Variants in OGFOD1 observed in about 807,000 individuals in gnomAD.
The protein encoded by OGFOD1 is prolyl 3-hydroxylase OGFOD1.
Under a neutral mutation model 67.7 loss-of-function variants are expected in OGFOD1, and 54 were observed. The ratio of observed to expected loss-of-function variants is 0.80; its 90% CI spans 0.64 to 1.00. The LOEUF is 1.00. Among genes scored for constraint, OGFOD1 ranks in the 50% least tolerant of loss-of-function variants. The probability of loss-of-function intolerance (pLI) is 0.00; values close to 1 mark genes in which losing one functional copy is unlikely to be tolerated. For synonymous variants in OGFOD1, 221 were observed against 227.0 expected (o/e 0.97, Z 0.24); for missense variants, 606 against 646.7 (o/e 0.94, Z 0.68).
At chr16:56,457,115 G>A (rs2143975522) in intron 2 of OGFOD1, among the ~76,000 whole-genome samples, 1 of 152,254 alleles carries the variant, frequency 6.6e-6, no homozygotes, top group Non-Finnish European at 1.5e-5. Flanking sequence ...GTAAAAATAT[G>A]TTCACATAAA....
chr16:56,462,509 A>C (rs1210350579), intron 3 of OGFOD1, 25 bp from the exon 4 acceptor site: 1 of 1,472,452 alleles, frequency 6.8e-7, no homozygotes, highest in South Asian at 1.1e-5. Context: ...TGGCATAACA[A>C]GTTATCTTTT....
Position 56,468,427 on chromosome 16 carries a change from A to C in OGFOD1, c.900+409A>C, listed in dbSNP as rs75305177. ...GCTTGTTATAGTGGAAAGAGATTAG[A>C]AATCAGAAGACTGGCCAGGCACAGT... On this transcript the variant is annotated intron_variant, in intron 8 of 12. Coordinates refer to ENST00000566157, the MANE Select transcript of OGFOD1 (RefSeq NM_018233.4). 7.1e-3 allele frequency among the ~76,000 whole-genome samples: 1,078 copies of C among 152,272 alleles called. 13 individuals carry two copies. Among genetic ancestry groups the C allele is most frequent in the African/African-American group, 0.025 (1,021 of 41,562 alleles).
chr16:56,468,269 C>T (rs112110992), intron 8 of OGFOD1, among the ~76,000 whole-genome samples: 13 of 152,318 alleles, frequency 8.5e-5, no homozygotes, highest in African/African-American at 2.6e-4. Context: ...CACACACAAG[C>T]TTCCACCCTG....
In OGFOD1 at chr16:56,462,556, C is replaced by A. The variant is rs548662119; in HGVS notation, c.370C>A (p.Arg124=). Residue 124 remains arginine (R), a synonymous_variant, in exon 4 of 13, where the codon CGG becomes AGG. Transcript: ENST00000566157. ...TAGGAAAATTCTGTTTGAAGATTTC[C>A]GGTCCTGGCTTTCTGATATTTCTAA... ...TLRKILFEDF[R]SWLSDISKID... is the part of the protein sequence containing the mutation. 6.2e-7 allele frequency: 1 copy of A among 1,611,624 alleles called. No homozygotes were observed. The highest frequency in any genetic ancestry group is 8.5e-7 in the Non-Finnish European group (1 of 1,177,870).
At chr16:56,454,744 G>A (rs1291586779) in intron 2 of OGFOD1, 1 of 427,678 alleles carries the variant, frequency 2.3e-6, no homozygotes, top group South Asian at 1.7e-5. Flanking sequence ...AGTAAATAAC[G>A]AATTTCTCTC....
At chr16:56,470,399 G>A in intron 9 of OGFOD1, 88 bp from the exon 10 acceptor site, 1 of 1,194,350 alleles carries the variant, frequency 8.4e-7, no homozygotes, top group South Asian at 1.5e-5. Flanking sequence ...TTTAGGAAGA[G>A]AGGTACAAAG....
intron 10 of OGFOD1, among the ~76,000 whole-genome samples, chr16:56,472,967 T>G (rs1187298931): frequency 6.6e-6 from 1 of 152,204 alleles, no homozygotes; most frequent in Non-Finnish European, 1.5e-5. Flanking sequence ...AGTCTCGCTC[T>G]GTTGCCAGGC....
At chr16:56,467,430 CTT>C (rs375009247) in intron 7 of OGFOD1, 137 bp downstream of exon 7, 10,499 of 723,614 alleles carry the variant, frequency 0.015, no homozygotes, top group East Asian at 0.019. Flanking sequence ...TTTTTTCTTC[CTT>C]TTTTTTTTTT....
At chr16:56,465,697 G>C (rs1389477133) in intron 4 of OGFOD1, 1 of 153,308 alleles carries the variant, frequency 6.5e-6, no homozygotes, top group Non-Finnish European at 1.5e-5. Flanking sequence ...TTAACAAATA[G>C]AAAATCTATT....
intron 3 of OGFOD1, among the ~76,000 whole-genome samples, chr16:56,461,748 G>A (rs1416039240): frequency 6.6e-6 from 1 of 152,178 alleles, no homozygotes; most frequent in African/African-American, 2.4e-5. Context: ...ATTGGTCAGT[G>A]TGGGGGGATA....
Position 56,470,256 on chromosome 16 carries a change from TCA to T in OGFOD1, c.980+178_980+179del, listed in dbSNP as rs1207463724. On this transcript the variant is annotated intron_variant, in intron 9 of 12. Transcript: ENST00000566157. ...AAAATATACAATCATGCACCAAGGC[TCA>T]CACCCAATAATAGGACACTTGCCCT... 1.3e-5 allele frequency: 9 copies of T among 668,370 alleles called. No individual in the cohort carries two copies. The African/African-American group carries it at 1.6e-4, about 12-fold the overall frequency. The allele number at this position is 668,370 out of a possible 1,614,324, so 41.4% of individuals were successfully genotyped here.
Position 56,466,246 on chromosome 16 carries a change from C to A in OGFOD1, c.543C>A (p.Thr181=). Residue 181 remains threonine (T), a synonymous_variant, in exon 5 of 13, where the codon ACC becomes ACA. Transcript: ENST00000566157. ...VPPWDRSMGG[T]LDLYSIDEHF... is the part of the protein sequence containing the mutation. ...CCTGGGACAGGAGCATGGGTGGTACCCTGGACCTGTACAGCATTGATGGTA... is the reference window on the plus strand; with the variant it reads ...CCTGGGACAGGAGCATGGGTGGTACACTGGACCTGTACAGCATTGATGGTA... 1.2e-6 allele frequency: 2 copies of A among 1,612,680 alleles called. No individual in the cohort carries two copies. The highest frequency in any genetic ancestry group is 8.5e-7 in the Non-Finnish European group (1 of 1,178,742).
intron 3 of OGFOD1, among the ~76,000 whole-genome samples, chr16:56,462,070 G>A (rs1467938109): frequency 6.6e-6 from 1 of 150,874 alleles, no homozygotes; most frequent in African/African-American, 2.4e-5. Context: ...CCCAACCTGG[G>A]CAACAGAGCA....
At chr16:56,454,917 C>A in intron 2 of OGFOD1, 1 of 259,886 alleles carries the variant, frequency 3.8e-6, no homozygotes, top group Admixed American at 5.3e-5. Context: ...AAACTGCTTT[C>A]CATGGTAAGG....
chr16:56,467,337 A>C (rs1490840504), intron 7 of OGFOD1, 44 bp downstream of exon 7: 1 of 1,600,330 alleles, frequency 6.2e-7, no homozygotes, highest in Admixed American at 1.7e-5. Context: ...GCTATAGCAT[A>C]TCATTTGTTT....
At chr16:56,475,605 T>G in intron 12 of OGFOD1, 40 bp downstream of exon 12, 1 of 1,576,962 alleles carries the variant, frequency 6.3e-7, no homozygotes, top group Non-Finnish European at 8.7e-7. Context: ...TTTTAGTTAT[T>G]GAGAATGCTT....
chr16:56,463,421 T>G (rs1962792952), intron 4 of OGFOD1, among the ~76,000 whole-genome samples: 1 of 137,030 alleles, frequency 7.3e-6, no homozygotes, highest in Non-Finnish European at 1.5e-5. Context: ...TTTTGGTTTG[T>G]TGGTTCGTTG....
Position 56,456,027 on chromosome 16 carries a change from G to A in OGFOD1, c.301-2521G>A, listed in dbSNP as rs1313520198. ...TTCCTCTCCTGTCAGTCTCTGGTAA[G>A]CCCATTTTAATCAGGCTTTCGCTTG... is the stretch of plus-strand genomic sequence containing the variant. On this transcript the variant is annotated intron_variant, in intron 2 of 12. Coordinates refer to ENST00000566157, the MANE Select transcript of OGFOD1 (RefSeq NM_018233.4). Among the ~76,000 whole-genome samples the A allele has an allele frequency of 2.6e-5, 4 of 152,162 alleles. No homozygotes were observed. In the South Asian group the frequency reaches 8.3e-4, roughly 31 times the overall value.
chr16:56,462,741 A>C (rs113306493), intron 4 of OGFOD1, 107 bp downstream of exon 4: 39 of 678,988 alleles, frequency 5.7e-5, no homozygotes, highest in African/African-American at 4.3e-4. Flanking sequence ...TGTCCCTGCA[A>C]AGCATCCGGA....
Sources: allele counts gnomAD v4.1 joint callset (sites outside exome capture counted in the v4.1 genomes callset), GRCh38; gene constraint gnomAD v4.1.1; transcripts MANE v1.5; gene names NCBI Gene and HGNC (gene_info 2026-07-23, HGNC 2026-07-21).